GPHN: variants seen among roughly 807,000 people sequenced by gnomAD.
GPHN encodes gephyrin.
Under a neutral mutation model 95.5 loss-of-function variants are expected in GPHN, and 17 were observed. The observed-to-expected ratio is 0.18, with a 90% CI of 0.12 to 0.27. The LOEUF (loss-of-function observed/expected upper bound fraction) is 0.27. Among genes scored for constraint, GPHN ranks in the 10% least tolerant of loss-of-function variants. The pLI is 1.00. For missense variants in GPHN, 660 were observed against 978.1 expected, an observed-to-expected ratio of 0.67 and a Z score of 4.34; for synonymous variants, 320 against 322.5, an observed-to-expected ratio of 0.99 and a Z score of 0.08.
the GPHN span, chr14:67,347,544 G>A: frequency 1.4e-4 from 157 of 1,141,298 alleles, no homozygotes; most frequent in Non-Finnish European, 1.8e-4. Flanking sequence ...TCTTGTCGCC[G>A]AGGCTGGAAT....
intron 8 of GPHN, among the ~76,000 whole-genome samples, chr14:66,939,129 T>C (rs1343846139): frequency 1.3e-5 from 2 of 152,210 alleles, no homozygotes; most frequent in Non-Finnish European, 2.9e-5. Context: ...GCAGTGATTT[T>C]CTTGGACATG....
chr14:66,933,161 C>T (rs764670346), intron 8 of GPHN, among the ~76,000 whole-genome samples: 9 of 152,134 alleles, frequency 5.9e-5, no homozygotes, highest in African/African-American at 2.2e-4. Context: ...AACAACATAT[C>T]AAAGAGTATA....
chr14:66,944,800 C>T (rs2067646153), intron 8 of GPHN, among the ~76,000 whole-genome samples: 1 of 152,210 alleles, frequency 6.6e-6, no homozygotes, highest in Admixed American at 6.5e-5. Context: ...AACCCCTTTC[C>T]CTGGGGAGGG....
intron 1 of GPHN, among the ~76,000 whole-genome samples, chr14:66,590,726 C>T (rs1410808163): frequency 6.6e-6 from 1 of 152,100 alleles, no homozygotes; most frequent in Non-Finnish European, 1.5e-5. Context: ...ACCAGAAGTA[C>T]AAAGAGGAGC....
At chr14:67,133,863 C>T (rs2079877194) in intron 17 of GPHN, among the ~76,000 whole-genome samples, 4 of 152,148 alleles carry the variant, frequency 2.6e-5, no homozygotes, top group Non-Finnish European at 5.9e-5. Context: ...TAGCCATCTT[C>T]CAAGTTGAAG....
At chr14:67,456,621 C>CA in the GPHN span, among the ~76,000 whole-genome samples, 2 of 149,122 alleles carry the variant, frequency 1.3e-5, no homozygotes, top group African/African-American at 5.0e-5. Context: ...AAAAAAAAGT[C>CA]AAAAAATAAC....
chr14:67,575,836 G>C, the GPHN span: 4 of 1,613,404 alleles, frequency 2.5e-6, no homozygotes, highest in Non-Finnish European at 3.4e-6. Flanking sequence ...CCCCTGGGCT[G>C]CCTGCCTGTG....
chr14:67,531,200 G>A, the GPHN span, among the ~76,000 whole-genome samples: 1 of 152,180 alleles, frequency 6.6e-6, no homozygotes, highest in Non-Finnish European at 1.5e-5. Context: ...AGGACTGCTT[G>A]AGCCTAGGAG....
the GPHN span, among the ~76,000 whole-genome samples, chr14:67,231,050 G>A: frequency 2.6e-5 from 4 of 152,208 alleles, no homozygotes; most frequent in African/African-American, 9.6e-5. Flanking sequence ...TGTATACAGG[G>A]TTCCGTACCA....
the GPHN span, chr14:67,656,364 T>C: frequency 8.2e-6 from 12 of 1,470,604 alleles, no homozygotes; most frequent in Non-Finnish European, 8.2e-6. Context: ...CCAGGTGCAG[T>C]GGCCCCCTAA....
At chr14:66,733,380 C>CATAAGAAATT (rs2071975515) in intron 2 of GPHN, among the ~76,000 whole-genome samples, 1 of 151,754 alleles carries the variant, frequency 6.6e-6, no homozygotes, top group Non-Finnish European at 1.5e-5. Context: ...AATACAGACA[C>CATAAGAAATT]CTAGCATTTC....
chr14:67,206,431 G>A, the GPHN span, among the ~76,000 whole-genome samples: 5 of 152,148 alleles, frequency 3.3e-5, no homozygotes, highest in Admixed American at 3.3e-4. Flanking sequence ...GGGAGGTGGA[G>A]GTTGCAGTGA....
intron 2 of GPHN, among the ~76,000 whole-genome samples, chr14:66,734,458 C>T (rs7156074): frequency 0.31 from 47,329 of 152,034 alleles, 11,191 homozygotes; most frequent in African/African-American, 0.64. Flanking sequence ...TTTGGCTCAT[C>T]GATGTTAAAA....
the GPHN span, among the ~76,000 whole-genome samples, chr14:67,706,501 C>A: frequency 6.6e-6 from 1 of 152,128 alleles, no homozygotes; most frequent in Non-Finnish European, 1.5e-5. Flanking sequence ...AAATGAACAT[C>A]GGTTTGGTCT....
chr14:67,313,895 T>C, the GPHN span, among the ~76,000 whole-genome samples: 15 of 152,094 alleles, frequency 9.9e-5, no homozygotes, highest in African/African-American at 3.4e-4. Flanking sequence ...CCAAGTCTTA[T>C]TTGTTTTAAA....
At chr14:67,429,116 T>C in the GPHN span, among the ~76,000 whole-genome samples, 1 of 152,146 alleles carries the variant, frequency 6.6e-6, no homozygotes, top group Non-Finnish European at 1.5e-5. Context: ...TCAGCTGGGC[T>C]GAAGCCATGA....
chr14:67,488,261 C>T, the GPHN span, among the ~76,000 whole-genome samples: 1 of 152,262 alleles, frequency 6.6e-6, no homozygotes, highest in South Asian at 2.1e-4. Flanking sequence ...GAGTAGAGGC[C>T]GCTTGGGCCC....
chr14:66,807,487 G>C (rs958352607), intron 3 of GPHN, among the ~76,000 whole-genome samples: 6 of 152,178 alleles, frequency 3.9e-5, no homozygotes, highest in African/African-American at 1.4e-4. Context: ...AGAGTTAATA[G>C]TAGAATAAAT....
At chr14:67,087,711 T>A (rs767996394) in intron 11 of GPHN, among the ~76,000 whole-genome samples, 1 of 152,140 alleles carries the variant, frequency 6.6e-6, no homozygotes, top group Non-Finnish European at 1.5e-5. Flanking sequence ...TCCTAGGATC[T>A]GGAAATCAGA....
Sources: allele counts gnomAD v4.1 joint callset (sites outside exome capture counted in the v4.1 genomes callset), GRCh38; gene constraint gnomAD v4.1.1; transcripts MANE v1.5; gene names NCBI Gene and HGNC (gene_info 2026-07-23, HGNC 2026-07-21).